The following SYN3 variants were observed in gnomAD, a reference collection of about 807,000 sequenced individuals.
SYN3 encodes the protein synapsin-3.
SYN3 carries 35 observed loss-of-function variants against 65.8 expected under a neutral mutation model. The observed-to-expected ratio is 0.53, with a 90% confidence interval of 0.41 to 0.70. SYN3 has a LOEUF of 0.70. Ranked by LOEUF, SYN3 falls within the 30% of genes least tolerant of loss-of-function variation. The pLI is 0.00. For missense variants in SYN3, 680 were observed against 749.0 expected (o/e 0.91, Z 1.08); for synonymous variants, 270 against 292.9 (o/e 0.92, Z 0.80).
intron 7 of SYN3, among the ~76,000 whole-genome samples, chr22:32,593,000 C>T (rs2059149026): frequency 1.3e-5 from 2 of 152,186 alleles, no homozygotes; most frequent in Non-Finnish European, 2.9e-5. Flanking sequence ...AGCCTCCTTA[C>T]CAGCTTTCTT....
At chr22:32,720,165 C>G (rs541004192) in intron 6 of SYN3, among the ~76,000 whole-genome samples, 21 of 152,338 alleles carry the variant, frequency 1.4e-4, no homozygotes, top group Middle Eastern at 3.4e-3. Context: ...ACACTAAGAT[C>G]TACAGCACAG....
intron 7 of SYN3, among the ~76,000 whole-genome samples, chr22:32,560,645 C>A (rs559319613): frequency 6.6e-6 from 1 of 152,064 alleles, no homozygotes; most frequent in African/African-American, 2.4e-5. Context: ...GGCTGCAGGT[C>A]AGAAAGATGG....
intron 6 of SYN3, among the ~76,000 whole-genome samples, chr22:32,778,164 G>A (rs1422476575): frequency 1.3e-5 from 2 of 152,236 alleles, no homozygotes; most frequent in Non-Finnish European, 1.5e-5. Flanking sequence ...AAGCAGATAA[G>A]TCTGTGCCTT....
intron 6 of SYN3, among the ~76,000 whole-genome samples, chr22:32,749,699 T>C (rs4821092): frequency 0.21 from 32,026 of 152,006 alleles, 4,337 homozygotes; most frequent in African/African-American, 0.38. Context: ...GACACAAACA[T>C]TCAGTCTACG....
At chr22:32,956,487 A>G (rs2146858771) in intron 3 of SYN3, among the ~76,000 whole-genome samples, 1 of 152,224 alleles carries the variant, frequency 6.6e-6, no homozygotes, top group South Asian at 2.1e-4. Flanking sequence ...CTGTGTCTCA[A>G]TAGATTTGAC....
At chr22:32,713,647 G>A (rs554198030) in intron 6 of SYN3, among the ~76,000 whole-genome samples, 8 of 152,182 alleles carry the variant, frequency 5.3e-5, no homozygotes, top group African/African-American at 1.2e-4. Context: ...TGGCTAACAC[G>A]GTGAAACCCC....
chr22:32,515,013 C>CAAA (rs969373157), intron 13 of SYN3, among the ~76,000 whole-genome samples: 1 of 138,408 alleles, frequency 7.2e-6, no homozygotes, highest in African/African-American at 2.7e-5. Flanking sequence ...GACTCCATCT[C>CAAA]AAAAAAAAAA....
In SYN3 at chr22:32,807,387, TATATATAATATA is replaced by T. The variant is rs1348095239; in HGVS notation, c.711+57516_711+57527del. Among the ~76,000 whole-genome samples, 121 of 98,818 alleles carry T rather than the reference TATATATAATATA, an allele frequency of 1.2e-3. No individual in the cohort carries two copies. The South Asian group carries it at 0.016, about 13-fold the overall frequency. 64.8% of individuals were successfully genotyped at this position (98,818 alleles called of 152,430 possible). The stretch of plus-strand genomic sequence containing the variant: ...AATATATATTATATATAATATATAT[TATATATAATATA>T]TATATATTATATTTACATATATATT... On this transcript the variant is annotated intron_variant, in intron 6 of 13. Transcript: ENST00000358763.
chr22:32,565,535 G>C (rs1005518641), intron 7 of SYN3, among the ~76,000 whole-genome samples: 1 of 149,092 alleles, frequency 6.7e-6, no homozygotes, highest in Non-Finnish European at 1.5e-5. Flanking sequence ...AGTATATATA[G>C]GAGACCGAAT....
chr22:32,989,166 T>G (rs1186303865), intron 2 of SYN3, among the ~76,000 whole-genome samples: 3 of 152,198 alleles, frequency 2.0e-5, no homozygotes, highest in African/African-American at 7.2e-5. Context: ...CCCAGGTCCC[T>G]TTCAGCTATT....
rs376189311 is a variant in SYN3 at position 32,628,143 on chromosome 22, G to C, written c.712-31407C>G. Reference sequence around the variant, plus strand: ...CCCGGCCAGAGGAATGTTTTTACCAGGGGTCCAGGGAGCCTGCACACCCTC... The same window carrying C: ...CCCGGCCAGAGGAATGTTTTTACCACGGGTCCAGGGAGCCTGCACACCCTC... On this transcript the variant is annotated intron_variant, in intron 6 of 13. Transcript: ENST00000358763. Among the ~76,000 whole-genome samples the C allele has an allele frequency of 1.3e-3, 194 of 152,212 alleles. 2 individuals are homozygous for C. Among genetic ancestry groups the C allele is most frequent in the Middle Eastern group, 3.4e-3 (1 of 294 alleles).
chr22:32,936,115 T>C (rs756573959), intron 3 of SYN3, among the ~76,000 whole-genome samples: 4 of 152,196 alleles, frequency 2.6e-5, no homozygotes, highest in Non-Finnish European at 5.9e-5. Flanking sequence ...TTATAACATA[T>C]ACATTTAAAA....
At chr22:32,583,001 G>A (rs4821077) in intron 7 of SYN3, among the ~76,000 whole-genome samples, 47,942 of 152,102 alleles carry the variant, frequency 0.32, 7,762 homozygotes, top group African/African-American at 0.42. Flanking sequence ...TGCCTCCTTT[G>A]TCTTCCAGCT....
At chr22:32,990,139 G>C (rs1221621030) in intron 2 of SYN3, among the ~76,000 whole-genome samples, 1 of 152,208 alleles carries the variant, frequency 6.6e-6, no homozygotes, top group East Asian at 1.9e-4. Flanking sequence ...GGCATAAGGA[G>C]GATAAGGGGA....
At chr22:32,671,526 CAT>C (rs2147065467) in intron 6 of SYN3, among the ~76,000 whole-genome samples, 1 of 151,674 alleles carries the variant, frequency 6.6e-6, no homozygotes, top group Admixed American at 6.6e-5. Flanking sequence ...CACAGCTACA[CAT>C]ACACACGCTC....
chr22:32,680,808 T>G (rs1446863115), intron 6 of SYN3, among the ~76,000 whole-genome samples: 1 of 152,238 alleles, frequency 6.6e-6, no homozygotes, highest in South Asian at 2.1e-4. Flanking sequence ...ATTTCCAAAC[T>G]TAGTTTTTCC....
intron 6 of SYN3, among the ~76,000 whole-genome samples, chr22:32,807,492 T>C (rs1179941779): frequency 6.9e-6 from 1 of 144,494 alleles, no homozygotes; most frequent in Non-Finnish European, 1.5e-5. Flanking sequence ...CTAATAAGTA[T>C]AGAGTGATTA....
At chr22:32,618,108 A>G (rs2059545460) in intron 6 of SYN3, among the ~76,000 whole-genome samples, 1 of 152,162 alleles carries the variant, frequency 6.6e-6, no homozygotes, top group Non-Finnish European at 1.5e-5. Context: ...ACCACTGTTA[A>G]GTGAATACGG....
intron 2 of SYN3, among the ~76,000 whole-genome samples, chr22:33,001,994 G>A (rs968229170): frequency 6.6e-6 from 1 of 152,178 alleles, no homozygotes; most frequent in Non-Finnish European, 1.5e-5. Flanking sequence ...TTGGGATGAA[G>A]AGAGAGAGAA....
Sources: allele counts gnomAD v4.1 joint callset (sites outside exome capture counted in the v4.1 genomes callset), GRCh38; gene constraint gnomAD v4.1.1; transcripts MANE v1.5; gene names NCBI Gene and HGNC (gene_info 2026-07-23, HGNC 2026-07-21).